The following ZZZ3 variants were observed in gnomAD, a reference collection of about 807,000 sequenced individuals.
ZZZ3 encodes the protein zinc finger ZZ-type containing 3, also known as ZZ-type zinc finger-containing protein 3.
In ZZZ3, 22 loss-of-function variants were observed where a neutral mutation model predicts 95.2. The ratio of observed to expected loss-of-function variants is 0.23; its 90% CI spans 0.17 to 0.33. The LOEUF (loss-of-function observed/expected upper bound fraction) is 0.33. ZZZ3 is among the 10% of genes least tolerant of loss of function. ZZZ3 has a pLI of 1.00. For synonymous variants in ZZZ3, 335 were observed against 358.9 expected (o/e 0.93, Z 0.75); for missense variants, 885 against 1,066.5 (o/e 0.83, Z 2.37).
intron 1 of ZZZ3, among the ~76,000 whole-genome samples, chr1:77,665,669 C>T (rs1306724504): frequency 6.6e-6 from 1 of 152,182 alleles, no homozygotes; most frequent in African/African-American, 2.4e-5. Context: ...TTCACTGTCT[C>T]ATTCATTAAA....
At chr1:77,566,727 C>T (rs1197114268) in intron 13 of ZZZ3, among the ~76,000 whole-genome samples, 1 of 152,136 alleles carries the variant, frequency 6.6e-6, no homozygotes, top group African/African-American at 2.4e-5. Context: ...CTTATTGAAT[C>T]GCTCTCCCAA....
chr1:77,632,905 T>C lies in ZZZ3; in HGVS notation c.450A>G (p.Val150=). Residue 150 remains valine, a synonymous_variant, in exon 5 of 15, where the codon GTA becomes GTG. Transcript: ENST00000370801. The stretch of plus-strand genomic sequence containing the variant: ...CTTGAAAATCTGCATCATTGTCCAC[T>C]ACTGTACTCCTCTGTTCTACTGACT... The part of the protein sequence containing the change: ...DKESVEQRST[V]VDNDADFQGT... 1 of 1,614,200 alleles carries C rather than the reference T, an allele frequency of 6.2e-7. No homozygotes were observed. Among genetic ancestry groups the C allele is most frequent in the Non-Finnish European group, 8.5e-7 (1 of 1,180,030 alleles).
At chr1:77,621,131 G>A (rs137932667) in intron 5 of ZZZ3, among the ~76,000 whole-genome samples, 2 of 152,242 alleles carry the variant, frequency 1.3e-5, no homozygotes, top group Non-Finnish European at 2.9e-5. Flanking sequence ...AATATAGTGA[G>A]ATTCTAGATC....
In ZZZ3 at chr1:77,633,218, C is replaced by T. The variant is rs1006503796; in HGVS notation, c.137G>A (p.Arg46Gln). Residue 46 changes from arginine to glutamine, a missense_variant, in exon 5 of 15, where the codon CGA becomes CAA. By Grantham distance (43) the Arg-to-Gln change is conservative. Coordinates refer to ENST00000370801, the MANE Select transcript of ZZZ3 (RefSeq NM_015534.6). The part of the protein sequence containing the change: ...PEEISSNSQV[R>Q]SRSPKKRPEP... ...TGGTCTCTTCTTTGGTGATCTTGAT[C>T]GTACTTGAGAATTAGAAGAGATTTC... The T allele has an allele frequency of 3.7e-6, 6 of 1,613,914 alleles. No individual in the cohort carries two copies. In the African/African-American group the frequency reaches 4.0e-5, roughly 11 times the overall value.
chr1:77,658,178 CAAAA>C (rs1186224710), intron 1 of ZZZ3, among the ~76,000 whole-genome samples: 1 of 76,312 alleles, frequency 1.3e-5, no homozygotes, highest in Non-Finnish European at 2.5e-5. Flanking sequence ...GACTTTGTCT[CAAAA>C]AAAAAAAAAA....
intron 5 of ZZZ3, among the ~76,000 whole-genome samples, chr1:77,604,823 A>T (rs1263862409): frequency 6.6e-6 from 1 of 152,228 alleles, no homozygotes; most frequent in Non-Finnish European, 1.5e-5. Flanking sequence ...AAAATTTTCT[A>T]AAAGAATGCT....
chr1:77,676,890 T>C (rs551576094), intron 1 of ZZZ3: 1 of 152,298 alleles, frequency 6.6e-6, no homozygotes, highest in Non-Finnish European at 1.5e-5. Context: ...GAGGAAAACA[T>C]TTAGATTCTC....
At chr1:77,678,884 C>T (rs1421172393) in intron 1 of ZZZ3, among the ~76,000 whole-genome samples, 1 of 152,136 alleles carries the variant, frequency 6.6e-6, no homozygotes, top group East Asian at 1.9e-4. Flanking sequence ...CAATAAATGT[C>T]AGCTGAATTA....
intron 11 of ZZZ3, among the ~76,000 whole-genome samples, chr1:77,577,999 G>C (rs1471330458): frequency 3.3e-5 from 5 of 152,106 alleles, no homozygotes; most frequent in Admixed American, 6.5e-5. Context: ...ACAGAGAAAA[G>C]TGGAAAAAGT....
At chr1:77,572,375 G>A (rs981528783) in intron 12 of ZZZ3, among the ~76,000 whole-genome samples, 1 of 152,142 alleles carries the variant, frequency 6.6e-6, no homozygotes, top group African/African-American at 2.4e-5. Flanking sequence ...GTCTCACTCT[G>A]TCTTCCAGGC....
chr1:77,572,990 C>T (rs1208420879), intron 12 of ZZZ3, among the ~76,000 whole-genome samples: 1 of 152,086 alleles, frequency 6.6e-6, no homozygotes, highest in Non-Finnish European at 1.5e-5. Context: ...CTTCATCTGG[C>T]CAATTTTTAT....
chr1:77,579,607 T>C lies in ZZZ3; in HGVS notation c.2002A>G (p.Ile668Val), dbSNP rs1383359246. The change falls in exon 10 of 15, where the codon ATC (isoleucine) becomes GTC (valine). Residue 668 changes from isoleucine to valine, a missense_variant. By Grantham distance (29) the Ile-to-Val change is conservative. Coordinates refer to ENST00000370801, the MANE Select transcript of ZZZ3 (RefSeq NM_015534.6). ...TCTACTTCTTCAGGAGGGTATTTGA[T>C]GAGTAGCTGTTCCAGCTTTTTCTAA... ...EEQKKLEQLL[I>V]KYPPEEVESR... 2 of 1,581,910 alleles carry C rather than the reference T, an allele frequency of 1.3e-6. No homozygotes were observed. The highest frequency in any genetic ancestry group is 2.3e-5 in the South Asian group (2 of 85,664).
chr1:77,642,523 C>G (rs1170052001), intron 1 of ZZZ3, among the ~76,000 whole-genome samples: 4 of 151,952 alleles, frequency 2.6e-5, no homozygotes, highest in African/African-American at 9.7e-5. Context: ...ACAGGAGGAT[C>G]CCTTGAGCTC....
At chr1:77,583,036 C>T (rs1015334376) in intron 6 of ZZZ3, among the ~76,000 whole-genome samples, 3 of 151,536 alleles carry the variant, frequency 2.0e-5, no homozygotes, top group Non-Finnish European at 2.9e-5. Flanking sequence ...ACCTGGGAGG[C>T]GGAAGTTACA....
chr1:77,584,090 TTC>T (rs970130325), intron 6 of ZZZ3, among the ~76,000 whole-genome samples: 1 of 152,222 alleles, frequency 6.6e-6, no homozygotes, highest in Non-Finnish European at 1.5e-5. Context: ...CACCATTGTT[TTC>T]TCTCTCAAAA....
intron 5 of ZZZ3, among the ~76,000 whole-genome samples, chr1:77,595,781 A>C (rs970702290): frequency 5.9e-5 from 9 of 152,064 alleles, no homozygotes; most frequent in African/African-American, 2.2e-4. Flanking sequence ...ACTTCAAAGA[A>C]AGCTATGTAG....
At position 77,600,229 on chromosome 1, in the gene ZZZ3, A is replaced by G. The variant is rs776796973; in HGVS notation, c.1506-15574T>C. Among the ~76,000 whole-genome samples the G allele has an allele frequency of 6.7e-4, 102 of 152,200 alleles. 2 individuals are homozygous for G. Among genetic ancestry groups the G allele is most frequent in the Non-Finnish European group, 2.5e-4 (17 of 68,020 alleles). ...AGATTAGCCACTTGGTGTGGTTTAC[A>G]TAGAAGGCTTAAATAAGCCAAACAT... On this transcript the variant is annotated intron_variant, in intron 5 of 14. Transcript: ENST00000370801.
At chr1:77,605,160 GT>G (rs1409810460) in intron 5 of ZZZ3, among the ~76,000 whole-genome samples, 2 of 152,194 alleles carry the variant, frequency 1.3e-5, no homozygotes, top group East Asian at 1.9e-4. Context: ...ACAGTCTTGA[GT>G]TGCAGATGCC....
rs1488575759 is a variant in ZZZ3, at chr1:77,564,056, ACAAT to A, written c.*1580_*1583del. Reference sequence around the variant, plus strand: ...GATTCTAAAAATTGGGTCAAATATAACAATCAATCTTAGAATATTTATACTATCT... The same window carrying A: ...GATTCTAAAAATTGGGTCAAATATAACAATCTTAGAATATTTATACTATCT... On this transcript the variant is annotated 3_prime_UTR_variant, in exon 15 of 15. Transcript: ENST00000370801. 1 of 152,244 alleles carries A rather than the reference ACAAT, an allele frequency of 6.6e-6. No homozygotes were observed. Among genetic ancestry groups the A allele is most frequent in the South Asian group, 2.1e-4 (1 of 4,820 alleles). The allele number at this position is 152,244 out of a possible 1,614,324, so 9.4% of individuals were successfully genotyped here.
Sources: allele counts gnomAD v4.1 joint callset (sites outside exome capture counted in the v4.1 genomes callset), GRCh38; gene constraint gnomAD v4.1.1; transcripts MANE v1.5; gene names NCBI Gene and HGNC (gene_info 2026-07-23, HGNC 2026-07-21).